The following HS6ST3 variants were observed in gnomAD, a reference collection of about 807,000 sequenced individuals.
The protein encoded by HS6ST3 is heparan-sulfate 6-O-sulfotransferase 3.
HS6ST3 carries 12 observed loss-of-function variants against 36.7 expected under a neutral mutation model. The ratio of observed to expected loss-of-function variants is 0.33; its 90% CI spans 0.21 to 0.53. The LOEUF is 0.53. Among genes scored for constraint, HS6ST3 ranks in the 20% least tolerant of loss-of-function variants. HS6ST3 has a pLI of 0.95. For synonymous variants in HS6ST3, 240 were observed against 257.5 expected (o/e 0.93, Z 0.65); for missense variants, 584 against 640.9 (o/e 0.91, Z 0.96).
At chr13:96,226,624 A>G (rs72642937) in intron 1 of HS6ST3, among the ~76,000 whole-genome samples, 2,834 of 152,372 alleles carry the variant, frequency 0.019, 110 homozygotes, top group Admixed American at 0.1. Flanking sequence ...TGAACCTTCT[A>G]ACACATACTA....
In HS6ST3 at chr13:96,346,580, A is replaced by T. The variant is rs555350986; in HGVS notation, c.707+255011A>T. Among the ~76,000 whole-genome samples the T allele has an allele frequency of 8.2e-4, 123 of 150,294 alleles. 1 individual carries two copies. The highest frequency in any genetic ancestry group is 2.4e-3 in the African/African-American group (100 of 41,166). On this transcript the variant is annotated intron_variant, in intron 1 of 1. Coordinates refer to ENST00000376705, the MANE Select transcript of HS6ST3 (RefSeq NM_153456.4). ...ACAGAGAGACTCCGTCTCAAAAAAA[A>T]AATAATAATAATAATAATAAAACAA...
At chr13:96,705,762 A>G (rs1875403579) in intron 1 of HS6ST3, among the ~76,000 whole-genome samples, 1 of 152,166 alleles carries the variant, frequency 6.6e-6, no homozygotes, top group Admixed American at 6.5e-5. Flanking sequence ...CATCAGGCTC[A>G]CCAGAGCAGG....
chr13:96,501,662 A>G (rs1176016991), intron 1 of HS6ST3, among the ~76,000 whole-genome samples: 2 of 152,348 alleles, frequency 1.3e-5, no homozygotes, highest in East Asian at 1.9e-4. Flanking sequence ...TCTACCCTGA[A>G]TGCTGCCTTT....
intron 1 of HS6ST3, among the ~76,000 whole-genome samples, chr13:96,728,335 T>C (rs1459615928): frequency 6.6e-6 from 1 of 152,186 alleles, no homozygotes; most frequent in Non-Finnish European, 1.5e-5. Context: ...GTTAGACTCA[T>C]ATGTAGAATT....
chr13:96,466,791 A>G (rs1022105900), intron 1 of HS6ST3, among the ~76,000 whole-genome samples: 1 of 151,862 alleles, frequency 6.6e-6, no homozygotes, highest in Non-Finnish European at 1.5e-5. Flanking sequence ...ATTATATTTT[A>G]ATAGAGCTAA....
At chr13:96,442,775 A>T (rs1353843710) in intron 1 of HS6ST3, among the ~76,000 whole-genome samples, 1 of 114,724 alleles carries the variant, frequency 8.7e-6, no homozygotes, top group Non-Finnish European at 1.8e-5. Context: ...GTACAATTGG[A>T]AGTAAAAAAA....
intron 1 of HS6ST3, among the ~76,000 whole-genome samples, chr13:96,623,542 A>G (rs554306007): frequency 2.1e-4 from 32 of 152,014 alleles, no homozygotes; most frequent in African/African-American, 5.5e-4. Context: ...TTCACGTTCA[A>G]CCAACAAGAT....
intron 1 of HS6ST3, among the ~76,000 whole-genome samples, chr13:96,642,220 C>T (rs1352503403): frequency 6.6e-6 from 1 of 151,826 alleles, no homozygotes; most frequent in Admixed American, 6.6e-5. Flanking sequence ...TTCAGGCCTT[C>T]ATAATTTATT....
At chr13:96,784,421 A>T (rs1033391810) in intron 1 of HS6ST3, among the ~76,000 whole-genome samples, 1 of 152,154 alleles carries the variant, frequency 6.6e-6, no homozygotes, top group Admixed American at 6.5e-5. Context: ...ATAAAGTAAC[A>T]TATGCTAATA....
At chr13:96,171,041 A>G (rs554908694) in intron 1 of HS6ST3, among the ~76,000 whole-genome samples, 2 of 152,270 alleles carry the variant, frequency 1.3e-5, no homozygotes, top group Non-Finnish European at 2.9e-5. Flanking sequence ...CTTTATCCAC[A>G]TATAGATTAG....
At chr13:96,745,645 A>G (rs757116858) in intron 1 of HS6ST3, among the ~76,000 whole-genome samples, 4 of 152,092 alleles carry the variant, frequency 2.6e-5, no homozygotes, top group Non-Finnish European at 5.9e-5. Flanking sequence ...TAAAGGGCGA[A>G]GAATTTCCAG....
At chr13:96,547,653 C>T (rs975045857) in intron 1 of HS6ST3, among the ~76,000 whole-genome samples, 2 of 152,132 alleles carry the variant, frequency 1.3e-5, no homozygotes, top group Non-Finnish European at 2.9e-5. Flanking sequence ...ATTAATTCTT[C>T]TCTTTGTATA....
At chr13:96,679,473 A>G (rs1361468545) in intron 1 of HS6ST3, among the ~76,000 whole-genome samples, 4 of 152,040 alleles carry the variant, frequency 2.6e-5, no homozygotes, top group Non-Finnish European at 5.9e-5. Context: ...AAGTGGTAAC[A>G]TGGACACATT....
intron 1 of HS6ST3, among the ~76,000 whole-genome samples, chr13:96,245,309 C>A (rs2054579518): frequency 6.6e-6 from 1 of 152,138 alleles, no homozygotes; most frequent in African/African-American, 2.4e-5. Context: ...ATCTTACAGT[C>A]ACCAAAAGTG....
chr13:96,369,368 T>C (rs2055278550), intron 1 of HS6ST3, among the ~76,000 whole-genome samples: 1 of 152,130 alleles, frequency 6.6e-6, no homozygotes, highest in Non-Finnish European at 1.5e-5. Context: ...TTCCTCAGTT[T>C]TCTGCTTGGT....
At chr13:96,571,316 C>T (rs529060) in intron 1 of HS6ST3, among the ~76,000 whole-genome samples, 96,139 of 152,062 alleles carry the variant, frequency 0.63, 34,310 homozygotes, top group Non-Finnish European at 0.8. Flanking sequence ...GTTGGTTTTT[C>T]GTCGTATAGA....
chr13:96,357,199 A>G (rs11069237), intron 1 of HS6ST3, among the ~76,000 whole-genome samples: 81,649 of 152,014 alleles, frequency 0.54, 22,541 homozygotes, highest in African/African-American at 0.65. Context: ...CTTCATATTG[A>G]CGATAAAACT....
intron 1 of HS6ST3, among the ~76,000 whole-genome samples, chr13:96,533,481 C>T (rs1016339912): frequency 6.6e-6 from 1 of 152,146 alleles, no homozygotes; most frequent in African/African-American, 2.4e-5. Flanking sequence ...AGGTGAAATA[C>T]AGAAGTCTAT....
chr13:96,464,043 T>TA (rs1555306409), intron 1 of HS6ST3, among the ~76,000 whole-genome samples: 16 of 100,164 alleles, frequency 1.6e-4, no homozygotes, highest in African/African-American at 6.3e-4. Flanking sequence ...TTTTTTTTTT[T>TA]AAATAAACAC....
Sources: allele counts gnomAD v4.1 joint callset (sites outside exome capture counted in the v4.1 genomes callset), GRCh38; gene constraint gnomAD v4.1.1; transcripts MANE v1.5; gene names NCBI Gene and HGNC (gene_info 2026-07-23, HGNC 2026-07-21).